DCC: variants seen among roughly 807,000 people sequenced by gnomAD.
DCC encodes DCC netrin 1 receptor, also known as netrin receptor DCC.
In DCC, 58 loss-of-function variants were observed where a neutral mutation model predicts 172.5. The ratio of observed to expected loss-of-function variants is 0.34; its 90% CI spans 0.27 to 0.42. The LOEUF is 0.42. Ranked by LOEUF, DCC falls within the 10% of genes least tolerant of loss-of-function variation. DCC has a pLI of 1.00. For synonymous variants in DCC, 709 were observed against 644.5 expected (o/e 1.10, Z -1.52); for missense variants, 1,740 against 1,791.0 (o/e 0.97, Z 0.51).
chr18:52,860,565 G>A (rs539594371), intron 2 of DCC, among the ~76,000 whole-genome samples: 10 of 152,192 alleles, frequency 6.6e-5, no homozygotes, highest in Admixed American at 4.6e-4. Flanking sequence ...TTTCTCCTCC[G>A]GTTCCCCTTT....
At chr18:52,640,720 C>A (rs2034873855) in intron 1 of DCC, among the ~76,000 whole-genome samples, 1 of 151,876 alleles carries the variant, frequency 6.6e-6, no homozygotes, top group South Asian at 2.1e-4. Flanking sequence ...ATAGATCACA[C>A]AAACAAATGG....
chr18:52,874,573 A>G (rs1297267905), intron 2 of DCC, among the ~76,000 whole-genome samples: 2 of 152,144 alleles, frequency 1.3e-5, no homozygotes, highest in African/African-American at 4.8e-5. Context: ...CTAGTTCTCC[A>G]TCTTGTCTAC....
At chr18:52,366,954 G>T (rs549193378) in intron 1 of DCC, among the ~76,000 whole-genome samples, 9 of 152,260 alleles carry the variant, frequency 5.9e-5, no homozygotes, top group African/African-American at 1.9e-4. Flanking sequence ...TGGAGCAGGG[G>T]GTGGTGCTCC....
chr18:53,175,998 G>C (rs1271814519), intron 8 of DCC, among the ~76,000 whole-genome samples: 1 of 151,450 alleles, frequency 6.6e-6, no homozygotes, highest in African/African-American at 2.4e-5. Flanking sequence ...CAATGGAACA[G>C]AACAGAGCCC....
chr18:52,386,214 G>A (rs964093618), intron 1 of DCC, among the ~76,000 whole-genome samples: 2 of 151,968 alleles, frequency 1.3e-5, no homozygotes, highest in Non-Finnish European at 2.9e-5. Flanking sequence ...TTTCTGAACC[G>A]CTATTTCAGA....
At chr18:52,955,665 A>G (rs537026276) in intron 5 of DCC, among the ~76,000 whole-genome samples, 20 of 152,234 alleles carry the variant, frequency 1.3e-4, no homozygotes, top group Non-Finnish European at 2.5e-4. Context: ...ATTCCCACCA[A>G]TAATGAATAA....
chr18:52,546,201 T>C (rs987073451), intron 1 of DCC, among the ~76,000 whole-genome samples: 1 of 151,978 alleles, frequency 6.6e-6, no homozygotes, highest in Non-Finnish European at 1.5e-5. Flanking sequence ...AAAACTAAAT[T>C]AATACAAAAT....
At chr18:52,592,312 C>A (rs2033818319) in intron 1 of DCC, among the ~76,000 whole-genome samples, 1 of 152,156 alleles carries the variant, frequency 6.6e-6, no homozygotes, top group East Asian at 1.9e-4. Context: ...TTTCAGAAGT[C>A]TCAGAATTTG....
intron 2 of DCC, among the ~76,000 whole-genome samples, chr18:52,851,424 G>A (rs961891155): frequency 2.6e-5 from 4 of 151,978 alleles, no homozygotes; most frequent in African/African-American, 4.8e-5. Flanking sequence ...ATGACTTGAG[G>A]CATCACATGA....
intron 15 of DCC, among the ~76,000 whole-genome samples, chr18:53,384,164 A>G (rs1178172783): frequency 1.3e-5 from 2 of 152,128 alleles, no homozygotes; most frequent in African/African-American, 4.8e-5. Flanking sequence ...GGGATCAGGG[A>G]ACAATATTCC....
chr18:52,488,455 T>C (rs1352064696), intron 1 of DCC, among the ~76,000 whole-genome samples: 1 of 152,040 alleles, frequency 6.6e-6, no homozygotes, highest in Admixed American at 6.6e-5. Context: ...GACTGTATGA[T>C]GAGGAAATAG....
chr18:52,906,761 AC>A (rs1259681728), intron 3 of DCC, among the ~76,000 whole-genome samples: 3 of 151,968 alleles, frequency 2.0e-5, no homozygotes, highest in African/African-American at 7.3e-5. Context: ...GATATATGAT[AC>A]ATATAGATAT....
At position 52,370,236 on chromosome 18, in the gene DCC, C is replaced by T. The variant is rs1012926542; in HGVS notation, c.91+29358C>T. Among the ~76,000 whole-genome samples the T allele has an allele frequency of 3.3e-5, 5 of 151,956 alleles. No individual in the cohort carries two copies. In the East Asian group the frequency reaches 5.8e-4, roughly 18 times the overall value. ...GCAATCCTATTACTGGGTATGTACCCGAAGGAATATAAATCATTCTATTAT... is the reference window on the plus strand; with the variant it reads ...GCAATCCTATTACTGGGTATGTACCTGAAGGAATATAAATCATTCTATTAT... On this transcript the variant is annotated intron_variant, in intron 1 of 28. Transcript: ENST00000442544.
intron 14 of DCC, among the ~76,000 whole-genome samples, chr18:53,323,676 T>C (rs2057436096): frequency 6.6e-6 from 1 of 151,998 alleles, no homozygotes; most frequent in Admixed American, 6.6e-5. Context: ...GTTGGATGGT[T>C]GGATGGTTGG....
chr18:52,463,117 T>A (rs920343617), intron 1 of DCC, among the ~76,000 whole-genome samples: 4 of 152,214 alleles, frequency 2.6e-5, no homozygotes, highest in Non-Finnish European at 4.4e-5. Context: ...CTGCCCTAAG[T>A]GCTGCATTAG....
chr18:52,475,604 C>G (rs1989070592), intron 1 of DCC, among the ~76,000 whole-genome samples: 1 of 152,022 alleles, frequency 6.6e-6, no homozygotes, highest in South Asian at 2.1e-4. Context: ...TTTCTACCAA[C>G]CACCTAAGAC....
At position 53,486,684 on chromosome 18, in the gene DCC, T is replaced by C. The variant is rs1003538175; in HGVS notation, c.3737-113T>C. On this transcript the variant is annotated intron_variant, in intron 25 of 28. Transcript: ENST00000442544. ...GAGGTAAGTAAGGGAACCTAGTTGA[T>C]ACTATGAAGAGTGTGTATAGATTTG... 1.0e-5 allele frequency: 14 copies of C among 1,403,364 alleles called. 1 individual carries two copies. In the African/African-American group the frequency reaches 1.3e-4, roughly 13 times the overall value. 86.9% of individuals were successfully genotyped at this position (1,403,364 alleles called of 1,614,324 possible). A position where few individuals can be genotyped will look rare whatever the true frequency, so the allele number is the denominator to read the frequency against.
intron 8 of DCC, among the ~76,000 whole-genome samples, chr18:53,169,280 T>G (rs2054974848): frequency 6.6e-6 from 1 of 152,246 alleles, no homozygotes; most frequent in African/African-American, 2.4e-5. Context: ...TTTAATCAAG[T>G]AACTCAAAGT....
intron 14 of DCC, among the ~76,000 whole-genome samples, chr18:53,335,940 A>C (rs1300020579): frequency 6.6e-6 from 1 of 152,128 alleles, no homozygotes; most frequent in Non-Finnish European, 1.5e-5. Flanking sequence ...ACTCATTATC[A>C]CGATAATAGC....
Sources: gnomAD v4.1 joint callset for allele counts (sites outside exome capture counted in the v4.1 genomes callset) on GRCh38, gnomAD v4.1.1 for gene constraint, MANE v1.5 for transcripts, NCBI Gene and HGNC (gene_info 2026-07-23, HGNC 2026-07-21) for gene names.